CAPRIN1: variants seen among roughly 807,000 people sequenced by gnomAD.
CAPRIN1 encodes the protein cell cycle associated protein 1.
Under a neutral mutation model 100.9 loss-of-function variants are expected in CAPRIN1, and 29 were observed. That is an observed-to-expected ratio of 0.29 (90% CI 0.21 to 0.39). The LOEUF is 0.39. Among genes scored for constraint, CAPRIN1 ranks in the 10% least tolerant of loss-of-function variants. CAPRIN1 has a pLI of 1.00. For missense variants in CAPRIN1, 795 were observed against 876.7 expected (o/e 0.91, Z 1.18); for synonymous variants, 338 against 307.5 (o/e 1.10, Z -1.04).
intron 2 of CAPRIN1, among the ~76,000 whole-genome samples, chr11:34,065,830 A>G (rs1411326228): frequency 1.3e-5 from 2 of 152,194 alleles, no homozygotes; most frequent in African/African-American, 4.8e-5. Flanking sequence ...CTTTGATCAG[A>G]CTTAGGATCC....
chr11:34,092,224 T>C (rs1191342614), intron 15 of CAPRIN1, among the ~76,000 whole-genome samples, 168 bp downstream of exon 15: 1 of 152,254 alleles, frequency 6.6e-6, no homozygotes, highest in Non-Finnish European at 1.5e-5. Context: ...TCTGTACTTG[T>C]ATATGTGAAT....
Position 34,052,582 on chromosome 11 carries a change from G to A in CAPRIN1, c.162G>A (p.Met54Ile). 1 of 1,611,304 alleles carries A rather than the reference G, an allele frequency of 6.2e-7. No homozygotes were observed. Among genetic ancestry groups the A allele is most frequent in the Non-Finnish European group, 8.5e-7 (1 of 1,179,218 alleles). The change falls in exon 2 of 19, where the codon ATG becomes ATA. Residue 54 changes from methionine (M) to isoleucine (I), a missense_variant. This residue lies in a region of CAPRIN1 where 109 missense variants were observed against 86.6 expected (regional missense o/e 1.26). Transcript: ENST00000341394. Reference sequence around the variant, plus strand: ...CCGGCGCTGTCCAGACCGAGGCCATGAAGCAGATTCTCGGGGTGATCGACA... The same window carrying A: ...CCGGCGCTGTCCAGACCGAGGCCATAAAGCAGATTCTCGGGGTGATCGACA... ...TGTGAVQTEAMKQILGVIDKK... is the reference protein window; with the variant it reads ...TGTGAVQTEAIKQILGVIDKK...
At chr11:34,085,952 C>G in intron 9 of CAPRIN1, 112 bp from the exon 10 acceptor site, 2 of 777,150 alleles carry the variant, frequency 2.6e-6, no homozygotes, top group Non-Finnish European at 4.1e-6. Flanking sequence ...CATTAAAGCC[C>G]GTTCTGTTTA....
At chr11:34,061,039 A>G (rs1850566350) in intron 2 of CAPRIN1, among the ~76,000 whole-genome samples, 1 of 152,140 alleles carries the variant, frequency 6.6e-6, no homozygotes. Flanking sequence ...CAATTCACTC[A>G]GACTTACCTG....
At chr11:34,054,720 G>C (rs1850411546) in intron 2 of CAPRIN1, among the ~76,000 whole-genome samples, 1 of 152,056 alleles carries the variant, frequency 6.6e-6, no homozygotes, top group South Asian at 2.1e-4. Context: ...CCCTGTGCCC[G>C]GCCTCTTTTT....
chr11:34,089,799 T>C (rs1269466642), intron 12 of CAPRIN1, among the ~76,000 whole-genome samples: 1 of 152,058 alleles, frequency 6.6e-6, no homozygotes, highest in African/African-American at 2.4e-5. Flanking sequence ...GATGACTTTT[T>C]AAGTTTTTCT....
At chr11:34,097,007 T>G (rs1424660137) in intron 16 of CAPRIN1, among the ~76,000 whole-genome samples, 189 bp from the exon 17 acceptor site, 1 of 152,186 alleles carries the variant, frequency 6.6e-6, no homozygotes, top group Non-Finnish European at 1.5e-5. Flanking sequence ...GGTTAAAAGT[T>G]TATCTTCTGA....
Position 34,066,246 on chromosome 11 carries a change from T to A in CAPRIN1, c.217-5480T>A, listed in dbSNP as rs565570606. ...GTTTCCTCACCTTGGCCTGTCAAAGTGCTAAAGTGCTAGGATTACAGGTGT... is the reference window on the plus strand; with the variant it reads ...GTTTCCTCACCTTGGCCTGTCAAAGAGCTAAAGTGCTAGGATTACAGGTGT... On this transcript the variant is annotated intron_variant, in intron 2 of 18. Coordinates refer to ENST00000341394, the MANE Select transcript of CAPRIN1 (RefSeq NM_005898.5). Among the ~76,000 whole-genome samples the A allele has an allele frequency of 3.9e-5, 6 of 152,336 alleles. 1 individual carries two copies. In the East Asian group the frequency reaches 1.2e-3, roughly 29 times the overall value.
intron 2 of CAPRIN1, among the ~76,000 whole-genome samples, chr11:34,063,665 A>G (rs1165395427): frequency 2.0e-5 from 3 of 152,138 alleles, no homozygotes; most frequent in African/African-American, 7.2e-5. Flanking sequence ...TCTTGCTCAT[A>G]TGTGTGCTGT....
At chr11:34,097,319 G>A (rs772460793) in intron 17 of CAPRIN1, 23 bp downstream of exon 17, 8 of 1,510,410 alleles carry the variant, frequency 5.3e-6, no homozygotes, top group Non-Finnish European at 7.4e-6. Flanking sequence ...GTTCTAAAGT[G>A]TAAACCTGAA....
rs1249263640 is a variant in CAPRIN1, at chr11:34,099,358, A to G, written c.2121A>G (p.Gln707=). ...NRGMPQMNTQ[Q]VN Reference sequence around the variant, plus strand: ...GGATGCCGCAAATGAACACTCAGCAAGTGAATTAATCTGATTCACAGGATT... The same window carrying G: ...GGATGCCGCAAATGAACACTCAGCAGGTGAATTAATCTGATTCACAGGATT... The change falls in exon 19 of 19, where the codon CAA becomes CAG. Residue 707 remains glutamine (Q), a synonymous_variant. Transcript: ENST00000341394. 6.2e-7 allele frequency: 1 copy of G among 1,613,434 alleles called. No homozygotes were observed. The highest frequency in any genetic ancestry group is 1.3e-5 in the African/African-American group (1 of 74,894).
intron 15 of CAPRIN1, among the ~76,000 whole-genome samples, chr11:34,092,905 TGC>T (rs747428846): frequency 6.6e-6 from 1 of 152,068 alleles, no homozygotes; most frequent in Non-Finnish European, 1.5e-5. Context: ...CGGGCTGGAG[TGC>T]AGTGATGCCA....
chr11:34,082,732 C>A, intron 7 of CAPRIN1, 93 bp from the exon 8 acceptor site: 2 of 837,776 alleles, frequency 2.4e-6, no homozygotes, highest in Non-Finnish European at 2.0e-6. Flanking sequence ...TGGACAAATG[C>A]ATAATGACGT....
rs951773450 is a variant in CAPRIN1, at chr11:34,100,481, A to C, written c.*1114A>C. On this transcript the variant is annotated 3_prime_UTR_variant, in exon 19 of 19. Coordinates refer to ENST00000341394, the MANE Select transcript of CAPRIN1 (RefSeq NM_005898.5). Reference sequence around the variant, plus strand: ...TAGTTTCAGTTCTGATGGTATAAGCAAAACAAATAAAACGTTTATAAAAGT... The same window carrying C: ...TAGTTTCAGTTCTGATGGTATAAGCCAAACAAATAAAACGTTTATAAAAGT... 6.6e-6 allele frequency: 1 copy of C among 152,216 alleles called. No homozygotes were observed. The allele number at this position is 152,216 out of a possible 1,614,324, so 9.4% of individuals were successfully genotyped here.
At chr11:34,086,023 T>C in intron 9 of CAPRIN1, 41 bp from the exon 10 acceptor site, 1 of 1,590,992 alleles carries the variant, frequency 6.3e-7, no homozygotes, top group Non-Finnish European at 8.6e-7. Flanking sequence ...TGGAGCTTTT[T>C]TGCTCTCCTA....
chr11:34,053,252 G>A, intron 2 of CAPRIN1: 6 of 611,010 alleles, frequency 9.8e-6, no homozygotes, highest in Non-Finnish European at 1.2e-5. Context: ...GCGCCCATGC[G>A]ATGGGCTCCC....
chr11:34,084,794 T>C (rs538613723), intron 9 of CAPRIN1, among the ~76,000 whole-genome samples: 63 of 152,318 alleles, frequency 4.1e-4, no homozygotes, highest in African/African-American at 1.3e-3. Flanking sequence ...TATTAACATA[T>C]TTGTTTTATT....
At chr11:34,062,400 C>T (rs1456186533) in intron 2 of CAPRIN1, among the ~76,000 whole-genome samples, 3 of 151,850 alleles carry the variant, frequency 2.0e-5, no homozygotes, top group African/African-American at 4.8e-5. Flanking sequence ...CCGAGGCGGG[C>T]GGATCACGAG....
At chr11:34,075,023 C>CT in intron 4 of CAPRIN1, among the ~76,000 whole-genome samples, 2 of 151,948 alleles carry the variant, frequency 1.3e-5, no homozygotes, top group Non-Finnish European at 2.9e-5. Flanking sequence ...CCTCAAAAAA[C>CT]TTTTTTTAAA....
Sources: allele counts gnomAD v4.1 joint callset (sites outside exome capture counted in the v4.1 genomes callset), GRCh38; gene constraint gnomAD v4.1.1; regional missense constraint gnomAD v4.1.1; transcripts MANE v1.5; gene names NCBI Gene and HGNC (gene_info 2026-07-23, HGNC 2026-07-21).